CHCHD3: variants seen among roughly 807,000 people sequenced by gnomAD.
CHCHD3 encodes MICOS complex subunit MIC19.
Under a neutral mutation model 38.2 loss-of-function variants are expected in CHCHD3, and 20 were observed. The observed-to-expected ratio is 0.52, with a 90% confidence interval of 0.37 to 0.76. The LOEUF is 0.76. Ranked by LOEUF, CHCHD3 falls within the 30% of genes least tolerant of loss-of-function variation. The probability of loss-of-function intolerance (pLI) is 0.00; values close to 1 mark genes in which losing one functional copy is unlikely to be tolerated. For synonymous variants in CHCHD3, 82 were observed against 100.0 expected, an observed-to-expected ratio of 0.82 and a Z score of 1.07; for missense variants, 245 against 279.2, an observed-to-expected ratio of 0.88 and a Z score of 0.87.
chr7:133,063,717 T>G (rs1040372829), intron 2 of CHCHD3, among the ~76,000 whole-genome samples: 10 of 152,182 alleles, frequency 6.6e-5, no homozygotes, highest in African/African-American at 2.4e-4. Flanking sequence ...TACTAATATC[T>G]GGGTATATCT....
rs569664988 is a variant in CHCHD3 at position 133,042,230 on chromosome 7, T to C, written c.170-17603A>G. On this transcript the variant is annotated intron_variant, in intron 2 of 7. Coordinates refer to ENST00000262570, the MANE Select transcript of CHCHD3 (RefSeq NM_017812.4). ...GCAAGCTTGGTTGAAACACATCTATTTTTTTATGAGCAATATTTATACTTT... is the reference window on the plus strand; with the variant it reads ...GCAAGCTTGGTTGAAACACATCTATCTTTTTATGAGCAATATTTATACTTT... 2.0e-5 allele frequency among the ~76,000 whole-genome samples: 3 copies of C among 152,310 alleles called. No homozygotes were observed. The South Asian group carries it at 6.2e-4, about 32-fold the overall frequency.
intron 4 of CHCHD3, among the ~76,000 whole-genome samples, chr7:132,900,981 C>T (rs1223033205): frequency 2.0e-5 from 3 of 151,906 alleles, no homozygotes; most frequent in Admixed American, 6.6e-5. Flanking sequence ...ACAGAGCAAG[C>T]CTCCCTCTCA....
intron 3 of CHCHD3, among the ~76,000 whole-genome samples, chr7:132,985,176 A>G (rs1812065884): frequency 1.5e-5 from 1 of 68,392 alleles, no homozygotes; most frequent in Non-Finnish European, 2.9e-5. Context: ...CTGCCCGGCC[A>G]GCCGCCCCGT....
In CHCHD3 at chr7:132,802,199, G is replaced by T. The variant is rs180992553; in HGVS notation, c.525-5622C>A. ...TATTGGGTCCTTGGAAATGATGGGG[G>T]GCAGGGTGGAAAAACCTAGGAGAGC... is the stretch of plus-strand genomic sequence containing the variant. On this transcript the variant is annotated intron_variant, in intron 6 of 7. Coordinates refer to ENST00000262570, the MANE Select transcript of CHCHD3 (RefSeq NM_017812.4). 3.1e-3 allele frequency among the ~76,000 whole-genome samples: 466 copies of T among 152,096 alleles called. 3 individuals carry two copies. The highest frequency in any genetic ancestry group is 2.1e-3 in the Non-Finnish European group (140 of 67,992).
At chr7:133,068,819 T>C (rs1814743046) in intron 2 of CHCHD3, among the ~76,000 whole-genome samples, 1 of 152,130 alleles carries the variant, frequency 6.6e-6, no homozygotes, top group African/African-American at 2.4e-5. Flanking sequence ...CTGTGCCATT[T>C]AGTGGGAAAG....
intron 5 of CHCHD3, among the ~76,000 whole-genome samples, chr7:132,877,021 T>C (rs1315407827): frequency 1.3e-5 from 2 of 152,186 alleles, no homozygotes; most frequent in African/African-American, 4.8e-5. Context: ...TTAAGGTTAA[T>C]ACTTCTTGAC....
intron 4 of CHCHD3, among the ~76,000 whole-genome samples, chr7:132,941,736 C>G (rs1810769714): frequency 6.6e-6 from 1 of 152,100 alleles, no homozygotes; most frequent in African/African-American, 2.4e-5. Context: ...GGAGTGCAGT[C>G]AGGGAGGCAC....
At chr7:132,867,934 G>A (rs17166779) in intron 5 of CHCHD3, among the ~76,000 whole-genome samples, 4,592 of 151,962 alleles carry the variant, frequency 0.03, 433 homozygotes, top group East Asian at 0.21. Context: ...ACCATATTTC[G>A]TACCACAGAG....
chr7:133,047,814 G>A (rs979631820), intron 2 of CHCHD3, among the ~76,000 whole-genome samples: 8 of 152,136 alleles, frequency 5.3e-5, no homozygotes, highest in Non-Finnish European at 7.4e-5. Flanking sequence ...AGGGCCAGGC[G>A]CGGTGGCTCA....
chr7:133,007,028 G>A (rs1812719554), intron 3 of CHCHD3, among the ~76,000 whole-genome samples: 1 of 152,090 alleles, frequency 6.6e-6, no homozygotes, highest in African/African-American at 2.4e-5. Flanking sequence ...TGAATAGTGA[G>A]ATTATAGATG....
intron 3 of CHCHD3, chr7:133,022,265 T>G (rs1813201700): frequency 2.7e-6 from 1 of 367,076 alleles, no homozygotes; most frequent in Non-Finnish European, 5.4e-6. Flanking sequence ...TGAGAACTGG[T>G]CAACAGGTTT....
At chr7:132,855,421 C>T (rs1055988262) in intron 5 of CHCHD3, among the ~76,000 whole-genome samples, 9 of 152,142 alleles carry the variant, frequency 5.9e-5, no homozygotes, top group East Asian at 5.8e-4. Context: ...TAGCAACACA[C>T]GTAAAGTTAC....
chr7:133,080,655 T>A (rs1815147175), intron 1 of CHCHD3, among the ~76,000 whole-genome samples: 2 of 152,234 alleles, frequency 1.3e-5, no homozygotes. Context: ...CAGCCTCAGA[T>A]ATTTTATTAC....
At chr7:132,838,871 A>G (rs1357852233) in intron 5 of CHCHD3, among the ~76,000 whole-genome samples, 2 of 152,182 alleles carry the variant, frequency 1.3e-5, no homozygotes, top group Admixed American at 1.3e-4. Flanking sequence ...TCCTACTAGG[A>G]TATTAAAGAT....
intron 6 of CHCHD3, among the ~76,000 whole-genome samples, chr7:132,812,200 CTTTTT>C (rs71529779): frequency 1.0e-3 from 85 of 81,040 alleles, no homozygotes; most frequent in East Asian, 8.9e-3. Flanking sequence ...TTTTTCTTTT[CTTTTT>C]TTTTTTTTTT....
intron 6 of CHCHD3, among the ~76,000 whole-genome samples, chr7:132,806,633 G>T (rs1806927357): frequency 6.6e-6 from 1 of 151,972 alleles, no homozygotes; most frequent in Non-Finnish European, 1.5e-5. Context: ...TGAAGGAAAG[G>T]CAGCAAAAGA....
At chr7:132,795,687 C>T (rs1806590706) in intron 7 of CHCHD3, among the ~76,000 whole-genome samples, 1 of 152,150 alleles carries the variant, frequency 6.6e-6, no homozygotes. Context: ...AGTTTGTCAG[C>T]AGAAGGAATC....
intron 7 of CHCHD3, among the ~76,000 whole-genome samples, chr7:132,793,270 T>C (rs1281849983): frequency 6.6e-6 from 1 of 152,078 alleles, no homozygotes; most frequent in Non-Finnish European, 1.5e-5. Context: ...TAAGAAGAGG[T>C]AATCCAATCT....
intron 3 of CHCHD3, among the ~76,000 whole-genome samples, chr7:132,999,070 A>G (rs1193443699): frequency 6.6e-6 from 1 of 152,150 alleles, no homozygotes; most frequent in African/African-American, 2.4e-5. Context: ...GCAGTGCACC[A>G]TGATCACCAC....
Sources: allele counts gnomAD v4.1 joint callset (sites outside exome capture counted in the v4.1 genomes callset), GRCh38; gene constraint gnomAD v4.1.1; transcripts MANE v1.5; gene names NCBI Gene and HGNC (gene_info 2026-07-23, HGNC 2026-07-21).